ADAM12: variants seen among roughly 807,000 people sequenced by gnomAD.
ADAM12 encodes ADAM metallopeptidase domain 12.
In ADAM12, 70 loss-of-function variants were observed where a neutral mutation model predicts 106.4. That is an observed-to-expected ratio of 0.66 (90% confidence interval 0.54 to 0.80). The LOEUF (loss-of-function observed/expected upper bound fraction) is 0.80. Ranked by LOEUF, ADAM12 falls within the 30% of genes least tolerant of loss-of-function variation. ADAM12 has a pLI of 0.00. For synonymous variants in ADAM12, 420 were observed against 433.5 expected, an observed-to-expected ratio of 0.97 and a Z score of 0.39; for missense variants, 1,010 against 1,171.9, an observed-to-expected ratio of 0.86 and a Z score of 2.02.
chr10:126,251,612 G>GAATGGA (rs1565168209), intron 3 of ADAM12, among the ~76,000 whole-genome samples: 18 of 18,646 alleles, frequency 9.7e-4, no homozygotes, highest in East Asian at 2.6e-3. Flanking sequence ...ATGGATGGAT[G>GAATGGA]CATGGATAGA....
intron 11 of ADAM12, among the ~76,000 whole-genome samples, chr10:126,092,601 A>G (rs1169670073): frequency 1.3e-5 from 2 of 152,226 alleles, no homozygotes; most frequent in African/African-American, 4.8e-5. Context: ...CCTATCGGTT[A>G]GTACTTTGAC....
At chr10:126,226,689 A>C (rs1333136884) in intron 3 of ADAM12, among the ~76,000 whole-genome samples, 1 of 152,206 alleles carries the variant, frequency 6.6e-6, no homozygotes, top group Non-Finnish European at 1.5e-5. Flanking sequence ...CTTGGCTTGT[A>C]GTAAGTGTTC....
chr10:126,127,254 G>A (rs1480890955), intron 5 of ADAM12, among the ~76,000 whole-genome samples: 1 of 152,232 alleles, frequency 6.6e-6, no homozygotes, highest in African/African-American at 2.4e-5. Context: ...GGAGAGCCAG[G>A]TGGGCTAGTC....
intron 2 of ADAM12, among the ~76,000 whole-genome samples, chr10:126,321,929 A>C: frequency 6.8e-6 from 1 of 146,372 alleles, no homozygotes; most frequent in Non-Finnish European, 1.5e-5. Flanking sequence ...CAGCAACCTC[A>C]TGTGCACAAC....
intron 4 of ADAM12, among the ~76,000 whole-genome samples, chr10:126,154,380 G>A (rs1956777930): frequency 6.6e-6 from 1 of 152,164 alleles, no homozygotes; most frequent in Non-Finnish European, 1.5e-5. Context: ...CCAAGTTCCT[G>A]GAAGGCTGCA....
chr10:126,079,670 G>C (rs1018151236), intron 11 of ADAM12, among the ~76,000 whole-genome samples: 1 of 152,126 alleles, frequency 6.6e-6, no homozygotes, highest in African/African-American at 2.4e-5. Flanking sequence ...TATTTGTGTC[G>C]TGACAATAAA....
chr10:126,059,977 A>G (rs1954717021), intron 14 of ADAM12, among the ~76,000 whole-genome samples: 2 of 140,508 alleles, frequency 1.4e-5, no homozygotes, highest in South Asian at 2.5e-4. Context: ...CTAAACGCCA[A>G]CCACACAGTT....
At chr10:126,113,731 TA>T (rs1554970680) in intron 6 of ADAM12, among the ~76,000 whole-genome samples, 1 of 25,952 alleles carries the variant, frequency 3.9e-5, no homozygotes. Flanking sequence ...TATATATATA[TA>T]ATATATTGCT....
chr10:126,163,993 G>T (rs757290675), intron 3 of ADAM12, among the ~76,000 whole-genome samples: 3 of 152,160 alleles, frequency 2.0e-5, no homozygotes, highest in Non-Finnish European at 4.4e-5. Context: ...AGGGGGTATG[G>T]GGTGGGGACA....
chr10:126,225,207 C>A (rs1298299719), intron 3 of ADAM12, among the ~76,000 whole-genome samples: 1 of 152,224 alleles, frequency 6.6e-6, no homozygotes, highest in African/African-American at 2.4e-5. Flanking sequence ...GAAAGGGTGG[C>A]CAGGAGCTGG....
intron 12 of ADAM12, among the ~76,000 whole-genome samples, chr10:126,067,653 G>C (rs1023789698): frequency 1.3e-5 from 2 of 152,194 alleles, no homozygotes; most frequent in Non-Finnish European, 2.9e-5. Context: ...CCTTGTACTT[G>C]AGAACATTCA....
chr10:126,160,120 G>A (rs1956905903), intron 3 of ADAM12, among the ~76,000 whole-genome samples: 1 of 152,192 alleles, frequency 6.6e-6, no homozygotes, highest in Non-Finnish European at 1.5e-5. Context: ...TTGAAGACAA[G>A]AGAGGGGAAG....
chr10:126,145,756 A>G (rs747192355), intron 4 of ADAM12, among the ~76,000 whole-genome samples: 6 of 152,246 alleles, frequency 3.9e-5, no homozygotes, highest in Non-Finnish European at 8.8e-5. Context: ...TTCTGTGCAC[A>G]GTGTCTTGCC....
At position 126,322,721 on chromosome 10, in the gene ADAM12, C is replaced by T. The variant is rs1018777182; in HGVS notation, c.186+7691G>A. 5.3e-5 allele frequency among the ~76,000 whole-genome samples: 8 copies of T among 152,302 alleles called. No individual in the cohort carries two copies. In the East Asian group the frequency reaches 1.4e-3, roughly 26 times the overall value. On this transcript the variant is annotated intron_variant, in intron 2 of 22. Transcript: ENST00000448723. Reference sequence around the variant, plus strand: ...TAAGGAAACAAAGCCTGAGCAAGGGCGAATGACAAGCCCAACGCCACACAG... The same window carrying T: ...TAAGGAAACAAAGCCTGAGCAAGGGTGAATGACAAGCCCAACGCCACACAG...
chr10:126,249,609 C>CAGGAGAAT (rs890641943), intron 3 of ADAM12, among the ~76,000 whole-genome samples: 1 of 152,156 alleles, frequency 6.6e-6, no homozygotes, highest in African/African-American at 2.4e-5. Context: ...GAGGCTGAGG[C>CAGGAGAAT]AGGAGAATGG....
chr10:126,338,796 G>A (rs1854811801), intron 1 of ADAM12, among the ~76,000 whole-genome samples: 1 of 152,176 alleles, frequency 6.6e-6, no homozygotes, highest in African/African-American at 2.4e-5. Flanking sequence ...AGGGGAAAAT[G>A]AAACTAATTG....
At chr10:126,318,744 G>A (rs758480420) in intron 2 of ADAM12, among the ~76,000 whole-genome samples, 8 of 152,192 alleles carry the variant, frequency 5.3e-5, no homozygotes, top group Non-Finnish European at 1.2e-4. Flanking sequence ...ATAAATACCT[G>A]TATTAGTCTA....
chr10:126,243,111 G>A (rs1046186114), intron 3 of ADAM12, among the ~76,000 whole-genome samples: 14 of 152,158 alleles, frequency 9.2e-5, no homozygotes, highest in African/African-American at 2.4e-4. Flanking sequence ...TGGCTGCATC[G>A]TGTTGCTGGA....
At chr10:126,107,415 A>G (rs532900843) in intron 8 of ADAM12, among the ~76,000 whole-genome samples, 1 of 152,304 alleles carries the variant, frequency 6.6e-6, no homozygotes, top group East Asian at 1.9e-4. Flanking sequence ...TTCATTCTGA[A>G]TTATTGATGC....
Sources: gnomAD v4.1 joint callset for allele counts (sites outside exome capture counted in the v4.1 genomes callset) on GRCh38, gnomAD v4.1.1 for gene constraint, MANE v1.5 for transcripts, NCBI Gene and HGNC (gene_info 2026-07-23, HGNC 2026-07-21) for gene names.